The following CMKLR2 variants were observed in gnomAD, a reference collection of about 807,000 sequenced individuals.
CMKLR2 encodes chemerin chemokine-like receptor 2, also known as chemerin-like receptor 2.
A neutral mutation model predicts 23.0 loss-of-function variants in CMKLR2; 18 were observed. The observed-to-expected ratio is 0.78, with a 90% confidence interval of 0.54 to 1.16. The LOEUF (loss-of-function observed/expected upper bound fraction) is 1.16, where lower values mean the gene tolerates loss of function less well. Among genes scored for constraint, CMKLR2 ranks in the 50% most tolerant of loss-of-function variants. The pLI, the probability that CMKLR2 is intolerant of heterozygous loss-of-function variation, is 0.00. For missense variants in CMKLR2, 401 were observed against 412.7 expected (o/e 0.97, Z 0.25); for synonymous variants, 158 against 158.9 (o/e 0.99, Z 0.05).
intron 1 of CMKLR2, among the ~76,000 whole-genome samples, chr2:206,179,073 T>G (rs1385206046): frequency 0.022 from 2,642 of 118,596 alleles, 270 homozygotes; most frequent in African/African-American, 0.079. Context: ...TTTTTTTTTT[T>G]TTTTTTTTTT....
chr2:206,213,907 G>T (rs888228582), upstream of CMKLR2, among the ~76,000 whole-genome samples: 2 of 152,140 alleles, frequency 1.3e-5, no homozygotes, highest in African/African-American at 4.8e-5. Context: ...AGGCTGGAGT[G>T]CAATGGCACA....
intron 1 of CMKLR2, among the ~76,000 whole-genome samples, chr2:206,202,754 C>T (rs17223074): frequency 0.035 from 5,294 of 152,012 alleles, 137 homozygotes; most frequent in Non-Finnish European, 0.058. Flanking sequence ...GTCAGGCGGC[C>T]GGCTTACCTT....
chr2:206,201,248 T>C (rs1465876659), intron 1 of CMKLR2, among the ~76,000 whole-genome samples: 1 of 152,216 alleles, frequency 6.6e-6, no homozygotes. Context: ...CAGCATTCAC[T>C]TGTTAAGCAA....
At chr2:206,212,933 GTTTGACT>G (rs1474211141) in intron 1 of CMKLR2, among the ~76,000 whole-genome samples, 1 of 152,096 alleles carries the variant, frequency 6.6e-6, no homozygotes, top group Non-Finnish European at 1.5e-5. Context: ...CACAAATGAT[GTTTGACT>G]ATTTCTAGAT....
intron 1 of CMKLR2, among the ~76,000 whole-genome samples, chr2:206,190,074 G>A (rs1688702083): frequency 6.6e-6 from 1 of 152,110 alleles, no homozygotes; most frequent in Non-Finnish European, 1.5e-5. Context: ...CTGCCAGTTG[G>A]GAGGTGGTAG....
chr2:206,184,477 A>G (rs940310275), intron 1 of CMKLR2, among the ~76,000 whole-genome samples: 1 of 151,904 alleles, frequency 6.6e-6, no homozygotes. Context: ...TTTTATTTTT[A>G]GTAAAGACGG....
upstream of CMKLR2, chr2:206,217,600 G>A (rs1215755951): frequency 6.6e-6 from 1 of 152,166 alleles, no homozygotes; most frequent in Non-Finnish European, 1.5e-5. Context: ...TAAGATTTCC[G>A]AAGTTCTAAT....
intron 1 of CMKLR2, among the ~76,000 whole-genome samples, chr2:206,187,121 C>A (rs1688604687): frequency 6.6e-6 from 1 of 152,016 alleles, no homozygotes; most frequent in Admixed American, 6.6e-5. Flanking sequence ...CCAAGACGGG[C>A]AGATCACTTG....
chr2:206,176,226 C>T lies in CMKLR2; in HGVS notation c.1022G>A (p.Arg341Lys), dbSNP rs1360975517. 7 of 1,614,018 alleles carry T rather than the reference C, an allele frequency of 4.3e-6. No homozygotes were observed. Among genetic ancestry groups the T allele is most frequent in the Non-Finnish European group, 5.9e-6 (7 of 1,179,944 alleles). The change falls in exon 2 of 2, where the codon AGG becomes AAG. Residue 341 changes from arginine (R) to lysine (K), a missense_variant. Physicochemically the swap from Arg to Lys is conservative, Grantham distance 26. Transcript: ENST00000621141. ...SCSGTVSEQL[R>K]NSETKNLCLL... ...ACACAGATTCTTGGTTTCTGAGTTC[C>T]TGAGCTGTTCACTCACTGTGCCAGA...
At chr2:206,216,367 C>A (rs912647222), upstream of CMKLR2, among the ~76,000 whole-genome samples, 6 of 152,106 alleles carry the variant, frequency 3.9e-5, no homozygotes, top group Non-Finnish European at 8.8e-5. Context: ...AGGCAGGAGA[C>A]CTGCTTGAAC....
chr2:206,217,457 A>G (rs962371318), upstream of CMKLR2: 1 of 152,212 alleles, frequency 6.6e-6, no homozygotes, highest in Non-Finnish European at 1.5e-5. Context: ...GAGAATTCTT[A>G]AAGGCTTCTA....
At chr2:206,188,360 A>G (rs1312613076) in intron 1 of CMKLR2, among the ~76,000 whole-genome samples, 2 of 152,240 alleles carry the variant, frequency 1.3e-5, no homozygotes, top group Non-Finnish European at 2.9e-5. Context: ...GAAGAGCACA[A>G]TAACAATGCC....
In CMKLR2 at chr2:206,176,335, C is replaced by T; in HGVS notation, c.913G>A (p.Val305Ile). Residue 305 changes from valine (V) to isoleucine (I), a missense_variant, in exon 2 of 2, where the codon GTC becomes ATC. Val to Ile is a conservative substitution (Grantham distance 29). Transcript: ENST00000621141. ...GCTTGGAACTTCTTACTAATTAGGACATAAAGGATGGGGTTCAAGCAACTA... is the reference window on the plus strand; with the variant it reads ...GCTTGGAACTTCTTACTAATTAGGATATAAAGGATGGGGTTCAAGCAACTA... ...LNSCLNPILY[V>I]LISKKFQARF... 6.2e-7 allele frequency: 1 copy of T among 1,614,094 alleles called. No individual in the cohort carries two copies. Among genetic ancestry groups the T allele is most frequent in the Non-Finnish European group, 8.5e-7 (1 of 1,180,010 alleles).
Position 206,207,047 on chromosome 2 carries a change from A to C in CMKLR2, c.-29+6260T>G, listed in dbSNP as rs111468968. Among the ~76,000 whole-genome samples, 801 of 151,916 alleles carry C rather than the reference A, an allele frequency of 5.3e-3. 8 individuals are homozygous for C. Among genetic ancestry groups the C allele is most frequent in the African/African-American group, 0.018 (764 of 41,412 alleles). On this transcript the variant is annotated intron_variant, in intron 1 of 1. Coordinates refer to ENST00000621141, the MANE Select transcript of CMKLR2 (RefSeq NM_001389445.1). Reference sequence around the variant, plus strand: ...TGGACCAGCACTTCTGACTGACAACAGTTGCCATTTCTAGGAAAAGATGAT... The same window carrying C: ...TGGACCAGCACTTCTGACTGACAACCGTTGCCATTTCTAGGAAAAGATGAT...
chr2:206,176,707 A>C lies in CMKLR2; in HGVS notation c.541T>G (p.Phe181Val). The change falls in exon 2 of 2, where the codon TTC (phenylalanine) becomes GTC (valine). Residue 181 changes from phenylalanine (F) to valine (V), a missense_variant. Transcript: ENST00000621141. ...PALYFRDTVEFNNHTLCYNNF... is the reference protein window; with the variant it reads ...PALYFRDTVEVNNHTLCYNNF... Reference sequence around the variant, plus strand: ...TTATAGCAAAGAGTATGATTATTGAACTCCACAGTGTCCCGGAAGTACAGG... The same window carrying C: ...TTATAGCAAAGAGTATGATTATTGACCTCCACAGTGTCCCGGAAGTACAGG... 6.2e-7 allele frequency: 1 copy of C among 1,614,182 alleles called. No individual in the cohort carries two copies. Among genetic ancestry groups the C allele is most frequent in the South Asian group, 1.1e-5 (1 of 91,088 alleles).
At chr2:206,216,523 C>T (rs1354487448), upstream of CMKLR2, among the ~76,000 whole-genome samples, 1 of 152,132 alleles carries the variant, frequency 6.6e-6, no homozygotes, top group Admixed American at 6.5e-5. Context: ...CTCAAGTAAT[C>T]CTCCTGCCTC....
At chr2:206,205,301 A>G (rs539233256) in intron 1 of CMKLR2, among the ~76,000 whole-genome samples, 1 of 152,322 alleles carries the variant, frequency 6.6e-6, no homozygotes, top group South Asian at 2.1e-4. Flanking sequence ...TAAAATAGCT[A>G]AACTTTTTTT....
intron 1 of CMKLR2, among the ~76,000 whole-genome samples, chr2:206,201,355 GC>G (rs1252928358): frequency 6.6e-6 from 1 of 152,092 alleles, no homozygotes; most frequent in East Asian, 1.9e-4. Flanking sequence ...GAAATTGCAG[GC>G]CCTGAATTAT....
At chr2:206,208,451 T>C (rs1689420397) in intron 1 of CMKLR2, among the ~76,000 whole-genome samples, 1 of 151,962 alleles carries the variant, frequency 6.6e-6, no homozygotes, top group African/African-American at 2.4e-5. Context: ...GGAGGATTAC[T>C]TGGGCCCAGA....
Sources: allele counts gnomAD v4.1 joint callset (sites outside exome capture counted in the v4.1 genomes callset), GRCh38; gene constraint gnomAD v4.1.1; transcripts MANE v1.5; gene names NCBI Gene and HGNC (gene_info 2026-07-23, HGNC 2026-07-21).